Variants in EPHA7 observed in about 807,000 individuals in gnomAD.
EPHA7 encodes the protein ephrin type-A receptor 7.
In EPHA7, 25 loss-of-function variants were observed where a neutral mutation model predicts 112.6. That is an observed-to-expected ratio of 0.22 (90% CI 0.16 to 0.31). The LOEUF is 0.31. Ranked by LOEUF, EPHA7 falls within the 10% of genes least tolerant of loss-of-function variation. The pLI is 1.00. For synonymous variants in EPHA7, 437 were observed against 406.5 expected, an observed-to-expected ratio of 1.07 and a Z score of -0.90; for missense variants, 962 against 1,212.6, an observed-to-expected ratio of 0.79 and a Z score of 3.07.
intron 5 of EPHA7, among the ~76,000 whole-genome samples, chr6:93,286,173 A>G (rs945435906): frequency 6.6e-6 from 1 of 152,068 alleles, no homozygotes; most frequent in Non-Finnish European, 1.5e-5. Flanking sequence ...CACCCTACAC[A>G]CACACCCCCA....
intron 6 of EPHA7, 91 bp from the exon 7 acceptor site, chr6:93,269,751 T>C (rs1771119968): frequency 9.3e-7 from 1 of 1,075,076 alleles, no homozygotes; most frequent in Non-Finnish European, 1.3e-6. Flanking sequence ...ATTTGCTCCA[T>C]TGTTTTTATA....
chr6:93,240,527 A>C lies in EPHA7; in HGVS notation c.*2899T>G, dbSNP rs543439076. On this transcript the variant is annotated 3_prime_UTR_variant, in exon 17 of 17. Transcript: ENST00000369303. ...AAACCACCAGTTCTAGTAAACAAGGACCAGATCAATTGCTGAGAAAATGTT... is the reference window on the plus strand; with the variant it reads ...AAACCACCAGTTCTAGTAAACAAGGCCCAGATCAATTGCTGAGAAAATGTT... 1 of 220,300 alleles carries C rather than the reference A, an allele frequency of 4.5e-6. No homozygotes were observed. The highest frequency in any genetic ancestry group is 6.6e-5 in the East Asian group (1 of 15,054). The allele number at this position is 220,300 out of a possible 1,614,324, so 13.6% of individuals were successfully genotyped here. A position where few individuals can be genotyped will look rare whatever the true frequency, so the allele number is the denominator to read the frequency against.
At chr6:93,250,915 A>G (rs1770178879) in intron 14 of EPHA7, among the ~76,000 whole-genome samples, 1 of 152,170 alleles carries the variant, frequency 6.6e-6, no homozygotes, top group African/African-American at 2.4e-5. Flanking sequence ...CTGTAAAGCA[A>G]TACTTAGAAA....
intron 3 of EPHA7, among the ~76,000 whole-genome samples, chr6:93,389,614 G>C (rs1179463990): frequency 1.3e-5 from 2 of 151,842 alleles, no homozygotes; most frequent in East Asian, 3.9e-4. Flanking sequence ...TCTTGTCAGA[G>C]GAAAAATAAG....
At chr6:93,298,039 A>G (rs964471302) in intron 5 of EPHA7, among the ~76,000 whole-genome samples, 4 of 152,188 alleles carry the variant, frequency 2.6e-5, no homozygotes, top group Non-Finnish European at 5.9e-5. Flanking sequence ...TGGTATATCA[A>G]TATCTGTGAA....
At chr6:93,315,092 G>A (rs1773740888) in intron 5 of EPHA7, among the ~76,000 whole-genome samples, 1 of 149,820 alleles carries the variant, frequency 6.7e-6, no homozygotes, top group Non-Finnish European at 1.5e-5. Flanking sequence ...TCGATCTCCT[G>A]ACCTCGTGAT....
intron 5 of EPHA7, among the ~76,000 whole-genome samples, chr6:93,285,278 AAATT>A (rs1243700253): frequency 6.6e-6 from 1 of 152,234 alleles, no homozygotes; most frequent in Non-Finnish European, 1.5e-5. Context: ...TACCAAGAGA[AAATT>A]AACGCAGCTA....
chr6:93,352,863 C>T (rs1172299266), intron 5 of EPHA7, among the ~76,000 whole-genome samples: 1 of 151,998 alleles, frequency 6.6e-6, no homozygotes, highest in African/African-American at 2.4e-5. Flanking sequence ...CATGTTCTTA[C>T]TTATAAGTGG....
At chr6:93,269,922 A>G (rs960540284) in intron 6 of EPHA7, among the ~76,000 whole-genome samples, 1 of 151,782 alleles carries the variant, frequency 6.6e-6, no homozygotes, top group African/African-American at 2.4e-5. Flanking sequence ...GTAATATGTG[A>G]CAAGAACTAT....
intron 5 of EPHA7, among the ~76,000 whole-genome samples, chr6:93,294,711 A>C (rs1410041981): frequency 6.6e-6 from 1 of 152,102 alleles, no homozygotes; most frequent in Admixed American, 6.6e-5. Flanking sequence ...TAACTAATAT[A>C]TCTGTTTATT....
intron 1 of EPHA7, among the ~76,000 whole-genome samples, chr6:93,417,996 A>C (rs927666309): frequency 1.3e-5 from 2 of 152,190 alleles, no homozygotes; most frequent in African/African-American, 4.8e-5. Context: ...AGATGAATCA[A>C]GGACCTATAT....
At chr6:93,419,076 G>C (rs1239453589) in intron 1 of EPHA7, among the ~76,000 whole-genome samples, 169 bp downstream of exon 1, 1 of 152,172 alleles carries the variant, frequency 6.6e-6, no homozygotes, top group African/African-American at 2.4e-5. Flanking sequence ...CCTGGTTCGC[G>C]CTCGCTGGTC....
At chr6:93,308,602 A>C (rs1177798344) in intron 5 of EPHA7, among the ~76,000 whole-genome samples, 2 of 152,146 alleles carry the variant, frequency 1.3e-5, no homozygotes, top group Non-Finnish European at 2.9e-5. Flanking sequence ...ATATATTTGA[A>C]ATTTATTTGT....
chr6:93,364,533 C>A (rs1186706936), intron 3 of EPHA7, among the ~76,000 whole-genome samples: 10 of 88,798 alleles, frequency 1.1e-4, no homozygotes, highest in Admixed American at 1.2e-4. Context: ...GAAACTCCGT[C>A]TCAAAAAAAA....
chr6:93,312,716 C>T (rs1326158364), intron 5 of EPHA7, among the ~76,000 whole-genome samples: 1 of 152,152 alleles, frequency 6.6e-6, no homozygotes, highest in African/African-American at 2.4e-5. Context: ...TAGCTTTCGG[C>T]CTATCTCAGC....
At chr6:93,280,470 C>T (rs1369875639) in intron 5 of EPHA7, among the ~76,000 whole-genome samples, 2 of 152,182 alleles carry the variant, frequency 1.3e-5, no homozygotes, top group African/African-American at 4.8e-5. Flanking sequence ...TCTGCTTCAA[C>T]TAATACAGAT....
chr6:93,294,720 T>C (rs1402610636), intron 5 of EPHA7, among the ~76,000 whole-genome samples: 1 of 152,130 alleles, frequency 6.6e-6, no homozygotes. Flanking sequence ...TATCTGTTTA[T>C]TTTTACATGC....
At chr6:93,311,812 T>G (rs1773556274) in intron 5 of EPHA7, among the ~76,000 whole-genome samples, 1 of 152,218 alleles carries the variant, frequency 6.6e-6, no homozygotes, top group South Asian at 2.1e-4. Flanking sequence ...TAAAAAAGAC[T>G]TGAAAGGTGA....
At chr6:93,411,456 T>C (rs1778974251) in intron 2 of EPHA7, among the ~76,000 whole-genome samples, 1 of 152,200 alleles carries the variant, frequency 6.6e-6, no homozygotes, top group South Asian at 2.1e-4. Context: ...CTTATGTTTA[T>C]GTTCTCCATT....
Sources: gnomAD v4.1 joint callset for allele counts (sites outside exome capture counted in the v4.1 genomes callset) on GRCh38, gnomAD v4.1.1 for gene constraint, MANE v1.5 for transcripts, NCBI Gene and HGNC (gene_info 2026-07-23, HGNC 2026-07-21) for gene names.